The following TLK2 variants were observed in gnomAD, a reference collection of about 807,000 sequenced individuals.
The protein encoded by TLK2 is tousled like kinase 2.
In TLK2, 6 loss-of-function variants were observed where a neutral mutation model predicts 117.3. The ratio of observed to expected loss-of-function variants is 0.05; its 90% CI spans 0.03 to 0.10. The LOEUF (loss-of-function observed/expected upper bound fraction) is 0.10. TLK2 is among the 10% of genes least tolerant of loss of function. The probability of loss-of-function intolerance (pLI) is 1.00; values close to 1 mark genes in which losing one functional copy is unlikely to be tolerated. For missense variants in TLK2, 299 were observed against 901.2 expected (o/e 0.33, Z 8.56); for synonymous variants, 257 against 316.7 (o/e 0.81, Z 2.00).
At chr17:62,535,629 C>A (rs571531406) in intron 6 of TLK2, among the ~76,000 whole-genome samples, 3 of 151,968 alleles carry the variant, frequency 2.0e-5, no homozygotes, top group African/African-American at 7.2e-5. Flanking sequence ...ATTAGCCAGG[C>A]GTGGTGGCAG....
intron 18 of TLK2, 143 bp from the exon 19 acceptor site, chr17:62,601,899 C>A: frequency 1.5e-6 from 1 of 677,932 alleles, no homozygotes; most frequent in Non-Finnish European, 2.4e-6. Context: ...TATCCAGAGT[C>A]CAGATTGCTT....
intron 6 of TLK2, among the ~76,000 whole-genome samples, chr17:62,535,739 A>G (rs1259315068): frequency 1.3e-5 from 2 of 151,848 alleles, no homozygotes; most frequent in Non-Finnish European, 2.9e-5. Flanking sequence ...TCTCCATTGC[A>G]CTCCAGCCTG....
chr17:62,589,977 T>A (rs561348577), intron 16 of TLK2, among the ~76,000 whole-genome samples: 6 of 151,568 alleles, frequency 4.0e-5, no homozygotes, highest in African/African-American at 1.4e-4. Context: ...TGGCTAACTT[T>A]TTTGTATTTT....
intron 6 of TLK2, among the ~76,000 whole-genome samples, chr17:62,528,235 G>A (rs2076510300): frequency 6.6e-6 from 1 of 152,046 alleles, no homozygotes; most frequent in Non-Finnish European, 1.5e-5. Flanking sequence ...TGCTGACAGG[G>A]AAGAATAGAT....
chr17:62,554,796 G>A (rs568351588), intron 9 of TLK2, among the ~76,000 whole-genome samples: 2 of 151,788 alleles, frequency 1.3e-5, no homozygotes, highest in Admixed American at 6.6e-5. Context: ...GAAGATGCTT[G>A]AGCCCAGGAC....
intron 11 of TLK2, among the ~76,000 whole-genome samples, chr17:62,566,221 A>T (rs1355266389): frequency 6.6e-6 from 1 of 151,972 alleles, no homozygotes; most frequent in Non-Finnish European, 1.5e-5. Context: ...GATGAGTTGG[A>T]AGGGTCTATA....
chr17:62,573,070 C>G, intron 11 of TLK2, 145 bp from the exon 12 acceptor site: 1 of 851,870 alleles, frequency 1.2e-6, no homozygotes, highest in South Asian at 1.9e-5. Flanking sequence ...CCCTTCCAAT[C>G]TGAAGTTAAA....
rs2145624250 is a variant in TLK2 at position 62,525,525 on chromosome 17, A to G, written c.363+1194A>G. Among the ~76,000 whole-genome samples the G allele has an allele frequency of 2.6e-5, 4 of 151,104 alleles. No homozygotes were observed. In the South Asian group the frequency reaches 8.4e-4, roughly 32 times the overall value. On this transcript the variant is annotated intron_variant, in intron 6 of 21. Transcript: ENST00000346027. ...GTGCAGTGGTACGATCATGACTCACAGCAACCTCTGCCTCGTAGGCTCAAG... is the reference window on the plus strand; with the variant it reads ...GTGCAGTGGTACGATCATGACTCACGGCAACCTCTGCCTCGTAGGCTCAAG...
At chr17:62,535,425 A>C (rs2077044460) in intron 6 of TLK2, among the ~76,000 whole-genome samples, 1 of 152,182 alleles carries the variant, frequency 6.6e-6, no homozygotes, top group Non-Finnish European at 1.5e-5. Flanking sequence ...GCATCTAAAT[A>C]TAGTACAGCA....
chr17:62,604,002 ATTTATTT>A (rs1170822709), intron 19 of TLK2, among the ~76,000 whole-genome samples: 1 of 149,802 alleles, frequency 6.7e-6, no homozygotes, highest in Non-Finnish European at 1.5e-5. Flanking sequence ...TTATTTATTT[ATTTATTT>A]ATTTATTTAT....
intron 18 of TLK2, among the ~76,000 whole-genome samples, chr17:62,601,325 G>A (rs2082858744): frequency 6.6e-6 from 1 of 152,050 alleles, no homozygotes; most frequent in Non-Finnish European, 1.5e-5. Flanking sequence ...ATTTTTTATT[G>A]TTATCTTCAG....
chr17:62,520,941 G>A (rs370438011), intron 3 of TLK2, 97 bp downstream of exon 3: 12 of 1,384,886 alleles, frequency 8.7e-6, no homozygotes, highest in Admixed American at 5.4e-5. Context: ...GGGAGGCTGA[G>A]GCGGGCAGAT....
chr17:62,578,801 A>G (rs1484879832), intron 14 of TLK2, among the ~76,000 whole-genome samples: 1 of 152,238 alleles, frequency 6.6e-6, no homozygotes, highest in Non-Finnish European at 1.5e-5. Flanking sequence ...ATGTGTATAC[A>G]TATAGCATTT....
chr17:62,488,298 T>C (rs1018105801), intron 2 of TLK2, among the ~76,000 whole-genome samples: 6 of 152,232 alleles, frequency 3.9e-5, no homozygotes, highest in African/African-American at 1.4e-4. Context: ...TATAATCAAA[T>C]TGACTTCTGA....
intron 7 of TLK2, 143 bp downstream of exon 7, chr17:62,536,480 C>G: frequency 1.1e-6 from 1 of 949,562 alleles, no homozygotes; most frequent in Non-Finnish European, 1.5e-6. Flanking sequence ...TCATCATTCC[C>G]AAACATGTCT....
At chr17:62,565,842 A>C (rs902808725) in intron 11 of TLK2, among the ~76,000 whole-genome samples, 1 of 152,166 alleles carries the variant, frequency 6.6e-6, no homozygotes, top group African/African-American at 2.4e-5. Context: ...CTGAGAAAGA[A>C]TTTCCTGAGA....
chr17:62,507,257 G>C (rs1294710542), intron 2 of TLK2: 3 of 151,262 alleles, frequency 2.0e-5, no homozygotes, highest in Admixed American at 2.0e-4. Flanking sequence ...CTGGGCAAAA[G>C]AGCAAAACTT....
chr17:62,573,890 A>G (rs1259530230), intron 12 of TLK2, among the ~76,000 whole-genome samples: 3 of 152,230 alleles, frequency 2.0e-5, no homozygotes, highest in Admixed American at 6.5e-5. Flanking sequence ...CTGGGAATCT[A>G]AGGAAAACAC....
Position 62,522,239 on chromosome 17 carries a change from G to A in TLK2, c.189G>A (p.Arg63=). The A allele has an allele frequency of 1.2e-6, 2 of 1,613,152 alleles. No individual in the cohort carries two copies. The highest frequency in any genetic ancestry group is 1.7e-6 in the Non-Finnish European group (2 of 1,179,678). Residue 63 remains arginine, a synonymous_variant, in exon 4 of 22, where the codon CGG becomes CGA. Transcript: ENST00000346027. ...PEKKQNDQRN[R]KRKAEPYETS... ...AAAAGCAGAATGACCAGCGAAATCGGAAAAGAAAAGCTGAACCATATGAAA... is the reference window on the plus strand; with the variant it reads ...AAAAGCAGAATGACCAGCGAAATCGAAAAAGAAAAGCTGAACCATATGAAA...
Sources: gnomAD v4.1 joint callset for allele counts (sites outside exome capture counted in the v4.1 genomes callset) on GRCh38, gnomAD v4.1.1 for gene constraint, MANE v1.5 for transcripts, NCBI Gene and HGNC (gene_info 2026-07-23, HGNC 2026-07-21) for gene names.